Variants in PCDHA9 observed in about 807,000 individuals in gnomAD.
PCDHA9 encodes the protein protocadherin alpha-9.
A neutral mutation model predicts 62.0 loss-of-function variants in PCDHA9; 62 were observed. The ratio of observed to expected loss-of-function variants is 1.00; its 90% CI spans 0.81 to 1.23. PCDHA9 has a LOEUF of 1.23. Ranked by LOEUF, PCDHA9 falls within the 50% of genes most tolerant of loss-of-function variation. The probability of loss-of-function intolerance (pLI) is 0.00; values close to 1 mark genes in which losing one functional copy is unlikely to be tolerated. For synonymous variants in PCDHA9, 557 were observed against 567.6 expected, an observed-to-expected ratio of 0.98 and a Z score of 0.27; for missense variants, 1,205 against 1,249.8, an observed-to-expected ratio of 0.96 and a Z score of 0.54.
chr5:140,850,820 C>T lies in PCDHA9; in HGVS notation c.2325C>T (p.Gly775=). 3.8e-6 allele frequency: 6 copies of T among 1,598,226 alleles called. No individual in the cohort carries two copies. The highest frequency in any genetic ancestry group is 5.1e-6 in the Non-Finnish European group (6 of 1,167,596). ...CCGACCTCATGGCCTTCAGCCCGGG[C>T]CTTTCTCCTTGTGCTGGATCTACAG... ...QKTDLMAFSP[G]LSPCAGSTER... is the part of the protein sequence containing the mutation. Residue 775 remains glycine (G), a synonymous_variant, in exon 1 of 4, where the codon GGC becomes GGT. Coordinates refer to ENST00000532602, the MANE Select transcript of PCDHA9 (RefSeq NM_031857.2).
chr5:140,856,311 G>C, intron 1 of PCDHA9: 1 of 1,598,566 alleles, frequency 6.3e-7, no homozygotes, highest in Non-Finnish European at 8.6e-7. Context: ...GTGAATTCTC[G>C]GATTGACCGC....
chr5:140,946,731 G>T (rs1183627101), intron 1 of PCDHA9, among the ~76,000 whole-genome samples: 1 of 150,574 alleles, frequency 6.6e-6, no homozygotes, highest in African/African-American at 2.5e-5. Flanking sequence ...AATAAGCCAG[G>T]CACAGAAAGA....
chr5:141,007,395 C>CAAAAAAAAAAAAAAAAAAAAAAAAAAA (rs35800918), intron 3 of PCDHA9, among the ~76,000 whole-genome samples: 1 of 94,866 alleles, frequency 1.1e-5, no homozygotes, highest in Non-Finnish European at 2.1e-5. Context: ...TACTAAAATA[C>CAAAAAAAAAAAAAAAAAAAAAAAAAAA]AAAAAAAAAA....
At chr5:140,896,226 T>C (rs1554186874) in intron 1 of PCDHA9, among the ~76,000 whole-genome samples, 1 of 152,242 alleles carries the variant, frequency 6.6e-6, no homozygotes, top group Non-Finnish European at 1.5e-5. Flanking sequence ...GTCTTTATAG[T>C]AGAATGACTT....
At chr5:140,944,166 G>A (rs1483002893) in intron 1 of PCDHA9, among the ~76,000 whole-genome samples, 1 of 152,024 alleles carries the variant, frequency 6.6e-6, no homozygotes, top group Non-Finnish European at 1.5e-5. Context: ...AAAGGGCCAA[G>A]GCTGGTTTTT....
At chr5:140,906,993 C>T (rs1361320380) in intron 1 of PCDHA9, among the ~76,000 whole-genome samples, 1 of 152,146 alleles carries the variant, frequency 6.6e-6, no homozygotes, top group African/African-American at 2.4e-5. Flanking sequence ...CAGCATTCCT[C>T]CCTCTGGAAC....
At chr5:140,915,638 C>CTCTT (rs1554197009) in intron 1 of PCDHA9, among the ~76,000 whole-genome samples, 3 of 151,724 alleles carry the variant, frequency 2.0e-5, no homozygotes, top group Admixed American at 1.3e-4. Context: ...CTCTCTCTCT[C>CTCTT]TCTCTCTCTC....
chr5:140,939,956 A>G (rs2092504641), intron 1 of PCDHA9, among the ~76,000 whole-genome samples: 1 of 152,234 alleles, frequency 6.6e-6, no homozygotes, highest in Non-Finnish European at 1.5e-5. Context: ...AAATTATGTT[A>G]AAGTGTTCCA....
intron 1 of PCDHA9, among the ~76,000 whole-genome samples, chr5:140,854,943 T>C (rs1157657888): frequency 6.7e-6 from 1 of 149,922 alleles, no homozygotes; most frequent in East Asian, 1.9e-4. Flanking sequence ...GCAGAAATAA[T>C]AAATTTCTTA....
chr5:140,877,018 A>G, intron 1 of PCDHA9: 1 of 1,612,420 alleles, frequency 6.2e-7, no homozygotes, highest in Non-Finnish European at 8.5e-7. Flanking sequence ...GGAGAGCGGC[A>G]AGGTGTACGC....
chr5:140,924,895 AAAAAAAAAAATAAAATAAAAT>A (rs1361418672), intron 1 of PCDHA9, among the ~76,000 whole-genome samples: 1,915 of 132,218 alleles, frequency 0.014, 23 homozygotes, highest in Admixed American at 0.024. Context: ...AACCTGTCTC[AAAAAAAAAAATAAAATAAAAT>A]AAAATAAAAT....
chr5:140,877,171 G>A (rs2056910663), intron 1 of PCDHA9: 1 of 1,613,742 alleles, frequency 6.2e-7, no homozygotes, highest in Non-Finnish European at 8.5e-7. Context: ...GGCACTGCTG[G>A]CGACTCCGGC....
At position 140,857,142 on chromosome 5, in the gene PCDHA9, G is replaced by A. The variant is rs782455438; in HGVS notation, c.2394+6253G>A. On this transcript the variant is annotated intron_variant, in intron 1 of 3. Transcript: ENST00000532602. ...CCAGTGAAAGAAGATGCTCAAGTGGGCACCGTCATTGCCCTAATCAGCGTT... is the reference window on the plus strand; with the variant it reads ...CCAGTGAAAGAAGATGCTCAAGTGGACACCGTCATTGCCCTAATCAGCGTT... 4 of 1,598,268 alleles carry A rather than the reference G, an allele frequency of 2.5e-6. No homozygotes were observed. The highest frequency in any genetic ancestry group is 3.4e-5 in the Admixed American group (2 of 59,268).
intron 1 of PCDHA9, chr5:140,852,541 G>T: frequency 3.7e-6 from 2 of 544,548 alleles, no homozygotes; most frequent in Middle Eastern, 9.4e-4. Context: ...CTCCCAAAGT[G>T]CTGGGATTAA....
chr5:140,929,289 G>C (rs574226775), intron 1 of PCDHA9: 2 of 1,597,364 alleles, frequency 1.3e-6, no homozygotes, highest in African/African-American at 2.7e-5. Flanking sequence ...TTCAGATTCG[G>C]AATAGGAAAG....
chr5:140,932,406 T>C (rs1235222855), intron 1 of PCDHA9, among the ~76,000 whole-genome samples: 1 of 151,924 alleles, frequency 6.6e-6, no homozygotes, highest in East Asian at 1.9e-4. Flanking sequence ...CATACCAATG[T>C]TATATTAGTG....
At chr5:140,990,858 T>C (rs1243458417) in intron 3 of PCDHA9, among the ~76,000 whole-genome samples, 2 of 152,172 alleles carry the variant, frequency 1.3e-5, no homozygotes, top group African/African-American at 2.4e-5. Flanking sequence ...CCTGAGGACA[T>C]TGTATTTTAA....
rs2150441030 is a variant in PCDHA9 at position 140,849,576 on chromosome 5, G to T, written c.1081G>T (p.Glu361Ter). Residue 361 changes from glutamate to a stop codon, truncating the protein, a stop_gained, in exon 1 of 4, where the codon GAG (glutamate) becomes TAG (stop). Coordinates refer to ENST00000532602, the MANE Select transcript of PCDHA9 (RefSeq NM_031857.2). LOFTEE classifies it high-confidence loss of function. ...TIKTLSVPVK[E>*]DAQLGTVIAL... ...CAAAACGCTCTCGGTTCCTGTAAAA[G>T]AGGACGCACAACTGGGGACAGTTAT... is the stretch of plus-strand genomic sequence containing the variant. 6.3e-7 allele frequency: 1 copy of T among 1,598,698 alleles called. No individual in the cohort carries two copies. The highest frequency in any genetic ancestry group is 2.2e-5 in the East Asian group (1 of 44,854).
At chr5:140,851,327 T>C in intron 1 of PCDHA9, 1 of 984,006 alleles carries the variant, frequency 1.0e-6, no homozygotes, top group East Asian at 8.4e-5. Context: ...GTTAAGTTTG[T>C]AGTTCTCTAC....
Sources: gnomAD v4.1 joint callset for allele counts (sites outside exome capture counted in the v4.1 genomes callset) on GRCh38, gnomAD v4.1.1 for gene constraint, MANE v1.5 for transcripts, NCBI Gene and HGNC (gene_info 2026-07-23, HGNC 2026-07-21) for gene names.